CLNK: variants seen among roughly 807,000 people sequenced by gnomAD.
CLNK encodes the protein cytokine dependent hematopoietic cell linker.
Under a neutral mutation model 68.6 loss-of-function variants are expected in CLNK, and 74 were observed. The ratio of observed to expected loss-of-function variants is 1.08; its 90% CI spans 0.89 to 1.31. The LOEUF is 1.31. CLNK is among the 50% of genes most tolerant of loss of function. CLNK has a pLI of 0.00. For synonymous variants in CLNK, 198 were observed against 172.2 expected (o/e 1.15, Z -1.17); for missense variants, 553 against 515.3 (o/e 1.07, Z -0.71).
At chr4:10,695,099 G>A in the CLNK span, among the ~76,000 whole-genome samples, 14 of 152,236 alleles carry the variant, frequency 9.2e-5, no homozygotes, top group South Asian at 2.9e-3. Flanking sequence ...TTAGACAGGA[G>A]GAGTCAGTTC....
In CLNK at chr4:10,654,202, C is replaced by G. The variant is rs115072141; in HGVS notation, c.11+13657G>C. 3.5e-3 allele frequency among the ~76,000 whole-genome samples: 532 copies of G among 151,762 alleles called. 5 individuals are homozygous for G. Among genetic ancestry groups the G allele is most frequent in the African/African-American group, 0.012 (514 of 41,402 alleles). ...ATTAATGAAACACTGCACTAATGTA[C>G]TAACAAATAATAATATGTCATGACC... On this transcript the variant is annotated intron_variant, in intron 2 of 18. Transcript: ENST00000226951.
chr4:10,609,719 G>C (rs1186041237), intron 2 of CLNK, among the ~76,000 whole-genome samples: 1 of 152,264 alleles, frequency 6.6e-6, no homozygotes, highest in Non-Finnish European at 1.5e-5. Flanking sequence ...TGGGTTGCAG[G>C]TGCAAAGTGG....
chr4:10,724,156 T>C, the CLNK span, among the ~76,000 whole-genome samples: 1 of 152,208 alleles, frequency 6.6e-6, no homozygotes, highest in Non-Finnish European at 1.5e-5. Context: ...ATTTAATATT[T>C]ATACATATTT....
intron 2 of CLNK, among the ~76,000 whole-genome samples, chr4:10,613,131 G>C (rs879331158): frequency 2.0e-5 from 3 of 152,162 alleles, no homozygotes; most frequent in Admixed American, 6.5e-5. Context: ...TCTATCCATG[G>C]AACAGAGAAG....
chr4:10,513,868 T>A (rs1005625684), intron 15 of CLNK, among the ~76,000 whole-genome samples: 39 of 149,160 alleles, frequency 2.6e-4, no homozygotes, highest in Middle Eastern at 3.5e-3. Context: ...TATTTTTTTT[T>A]AAATTATACT....
intron 4 of CLNK, among the ~76,000 whole-genome samples, chr4:10,578,841 G>C (rs1720674340): frequency 1.3e-5 from 2 of 152,038 alleles, no homozygotes; most frequent in African/African-American, 4.8e-5. Flanking sequence ...CAAACTGCTG[G>C]CATTACAGGT....
intron 11 of CLNK, among the ~76,000 whole-genome samples, chr4:10,538,528 G>T (rs1347953272): frequency 1.3e-5 from 2 of 152,322 alleles, no homozygotes; most frequent in East Asian, 1.9e-4. Flanking sequence ...TAGGAATGCT[G>T]CATTTTACAT....
intron 12 of CLNK, 136 bp downstream of exon 12, chr4:10,532,120 G>T: frequency 2.7e-6 from 2 of 732,760 alleles, no homozygotes; most frequent in Middle Eastern, 4.6e-4. Flanking sequence ...TTAAAATAGA[G>T]ATACTAATGC....
intron 4 of CLNK, among the ~76,000 whole-genome samples, chr4:10,578,643 G>A (rs952932843): frequency 2.3e-5 from 3 of 129,338 alleles, no homozygotes; most frequent in African/African-American, 8.8e-5. Flanking sequence ...CTGGAGTGCA[G>A]TGGCACAATC....
Position 10,682,263 on chromosome 4 carries a change from T to A in CLNK, c.-43+2405A>T, listed in dbSNP as rs553730021. Among the ~76,000 whole-genome samples, 15 of 152,250 alleles carry A rather than the reference T, an allele frequency of 9.9e-5. No homozygotes were observed. In the South Asian group the frequency reaches 2.5e-3, roughly 25 times the overall value. ...ATCATAAATAGAATTTAAATTCAGG[T>A]ATTTATCTCTCTGGTTAGTAATTTA... On this transcript the variant is annotated intron_variant, in intron 1 of 18. Transcript: ENST00000226951.
At chr4:10,700,956 C>G in the CLNK span, among the ~76,000 whole-genome samples, 1 of 152,146 alleles carries the variant, frequency 6.6e-6, no homozygotes, top group African/African-American at 2.4e-5. Context: ...CTGCTTGAAA[C>G]ATTTCAGCAA....
At chr4:10,708,445 A>T in the CLNK span, among the ~76,000 whole-genome samples, 1 of 152,152 alleles carries the variant, frequency 6.6e-6, no homozygotes, top group African/African-American at 2.4e-5. Context: ...AACTTGCCCA[A>T]GGTGACATGC....
intron 8 of CLNK, among the ~76,000 whole-genome samples, chr4:10,551,146 G>A (rs1719434620): frequency 6.6e-6 from 1 of 152,174 alleles, no homozygotes; most frequent in Admixed American, 6.5e-5. Flanking sequence ...TTGAGCATGG[G>A]TAACTGAAAC....
At chr4:10,560,144 G>A (rs936132116) in intron 7 of CLNK, among the ~76,000 whole-genome samples, 1 of 152,206 alleles carries the variant, frequency 6.6e-6, no homozygotes, top group African/African-American at 2.4e-5. Context: ...CGGAGATGCA[G>A]GTCTGCGTGC....
Position 10,598,051 on chromosome 4 carries a change from T to A in CLNK, c.12-2A>T. 1 of 1,569,564 alleles carries A rather than the reference T, an allele frequency of 6.4e-7. No individual in the cohort carries two copies. The highest frequency in any genetic ancestry group is 8.7e-7 in the Non-Finnish European group (1 of 1,153,608). Reference sequence around the variant, plus strand: ...TCTTTAGTTGTCTTTCTATTGCCCCTGGGATGAAAGAAAATAAATTATAGC... The same window carrying A: ...TCTTTAGTTGTCTTTCTATTGCCCCAGGGATGAAAGAAAATAAATTATAGC... On this transcript the variant is annotated splice_acceptor_variant, in intron 2 of 18. Transcript: ENST00000226951. LOFTEE classifies it high-confidence loss of function.
Position 10,525,835 on chromosome 4 carries a change from C to G in CLNK, c.731+6G>C. 1 of 1,559,130 alleles carries G rather than the reference C, an allele frequency of 6.4e-7. No individual in the cohort carries two copies. Among genetic ancestry groups the G allele is most frequent in the Non-Finnish European group, 8.7e-7 (1 of 1,143,730 alleles). The stretch of plus-strand genomic sequence containing the variant: ...CAGACCTGAGAAAGGATTCCTGGCT[C>G]CTTACCTGCTAATGGCAAGTGGAAT... On this transcript the variant is annotated splice_donor_region_variant and intron_variant, in intron 14 of 18. Transcript: ENST00000226951.
chr4:10,675,256 A>G (rs1577213636), intron 1 of CLNK, among the ~76,000 whole-genome samples: 1 of 152,246 alleles, frequency 6.6e-6, no homozygotes, highest in East Asian at 1.9e-4. Flanking sequence ...TAAGATTTCC[A>G]AAGAACATAC....
At chr4:10,535,553 T>C (rs1052285895) in intron 11 of CLNK, among the ~76,000 whole-genome samples, 8 of 152,262 alleles carry the variant, frequency 5.3e-5, no homozygotes, top group African/African-American at 1.9e-4. Context: ...TTACTCTTGC[T>C]GTTACTCAGG....
chr4:10,719,233 A>C, the CLNK span, among the ~76,000 whole-genome samples: 1 of 152,148 alleles, frequency 6.6e-6, no homozygotes, highest in Non-Finnish European at 1.5e-5. Flanking sequence ...GTCTAAATAC[A>C]CTAATTAAAA....
Sources: gnomAD v4.1 joint callset for allele counts (sites outside exome capture counted in the v4.1 genomes callset) on GRCh38, gnomAD v4.1.1 for gene constraint, MANE v1.5 for transcripts, NCBI Gene and HGNC (gene_info 2026-07-23, HGNC 2026-07-21) for gene names.